CNKSR3: variants seen among roughly 807,000 people sequenced by gnomAD.
CNKSR3 encodes CNKSR family member 3.
CNKSR3 carries 36 observed loss-of-function variants against 67.7 expected under a neutral mutation model. The observed-to-expected ratio is 0.53, with a 90% CI of 0.41 to 0.70. CNKSR3 has a LOEUF of 0.70. CNKSR3 is among the 30% of genes least tolerant of loss of function. The probability of loss-of-function intolerance (pLI) is 0.00; values close to 1 mark genes in which losing one functional copy is unlikely to be tolerated. For synonymous variants in CNKSR3, 281 were observed against 271.4 expected (o/e 1.04, Z -0.35); for missense variants, 630 against 695.2 (o/e 0.91, Z 1.05).
At chr6:154,445,741 C>T (rs1353955383) in intron 2 of CNKSR3, among the ~76,000 whole-genome samples, 3 of 152,144 alleles carry the variant, frequency 2.0e-5, no homozygotes, top group Non-Finnish European at 4.4e-5. Flanking sequence ...TGGTTCTCTT[C>T]ATTTTCCACT....
chr6:154,480,099 A>G (rs914098829), intron 1 of CNKSR3, among the ~76,000 whole-genome samples: 1 of 152,238 alleles, frequency 6.6e-6, no homozygotes, highest in Non-Finnish European at 1.5e-5. Context: ...TATGGTGTAC[A>G]GTGTTGAGAA....
chr6:154,452,790 G>C (rs556196666), intron 1 of CNKSR3, among the ~76,000 whole-genome samples: 7 of 152,308 alleles, frequency 4.6e-5, no homozygotes, highest in African/African-American at 1.7e-4. Flanking sequence ...TAACGACACA[G>C]ACACACACAG....
chr6:154,432,137 G>T (rs190984394), intron 5 of CNKSR3, among the ~76,000 whole-genome samples: 1 of 152,170 alleles, frequency 6.6e-6, no homozygotes, highest in Non-Finnish European at 1.5e-5. Flanking sequence ...ATTAACGAGC[G>T]TTCCTGTTGC....
intron 2 of CNKSR3, among the ~76,000 whole-genome samples, chr6:154,444,796 G>A (rs1317900384): frequency 2.0e-5 from 3 of 151,858 alleles, no homozygotes; most frequent in South Asian, 2.1e-4. Flanking sequence ...TAGTAGAGAC[G>A]GGGTTTCACC....
At chr6:154,505,780 G>A (rs1357965023) in intron 1 of CNKSR3, among the ~76,000 whole-genome samples, 9 of 148,770 alleles carry the variant, frequency 6.0e-5, no homozygotes, top group South Asian at 4.2e-4. Context: ...GATTACAGGC[G>A]TGAGCCACCG....
intron 1 of CNKSR3, among the ~76,000 whole-genome samples, chr6:154,477,048 A>G (rs1786466708): frequency 6.6e-6 from 1 of 152,238 alleles, no homozygotes; most frequent in Non-Finnish European, 1.5e-5. Flanking sequence ...TTAACTTTGC[A>G]AATAGCCCAA....
intron 2 of CNKSR3, among the ~76,000 whole-genome samples, chr6:154,446,083 A>G (rs934259965): frequency 6.6e-6 from 1 of 152,228 alleles, no homozygotes; most frequent in Admixed American, 6.5e-5. Flanking sequence ...TAAAGCATCA[A>G]AAAGATACAA....
In CNKSR3 at chr6:154,489,361, T is replaced by C. The variant is rs1786737369; in HGVS notation, c.52+20702A>G. Among the ~76,000 whole-genome samples, 3 of 152,248 alleles carry C rather than the reference T, an allele frequency of 2.0e-5. No homozygotes were observed. In the South Asian group the frequency reaches 6.2e-4, roughly 32 times the overall value. On this transcript the variant is annotated intron_variant, in intron 1 of 12. Coordinates refer to ENST00000607772, the MANE Select transcript of CNKSR3 (RefSeq NM_173515.4). ...GTCTTGGTAACACGGTGAAACCACA[T>C]CTCGACTAAAAATACAAAAATTAGC...
intron 1 of CNKSR3, among the ~76,000 whole-genome samples, chr6:154,489,348 C>T (rs146721755): frequency 5.3e-5 from 8 of 152,196 alleles, no homozygotes; most frequent in South Asian, 2.1e-4. Context: ...CTTGGTAACA[C>T]GGTGAAACCA....
chr6:154,423,951 G>A (rs1785199903), intron 7 of CNKSR3, among the ~76,000 whole-genome samples: 1 of 152,072 alleles, frequency 6.6e-6, no homozygotes, highest in East Asian at 1.9e-4. Flanking sequence ...TAAAGGGATA[G>A]GCCGGGCGCG....
In CNKSR3 at chr6:154,410,992, C is replaced by A. The variant is rs1490413283; in HGVS notation, c.1221G>T (p.Gly407=). 2 of 1,613,938 alleles carry A rather than the reference C, an allele frequency of 1.2e-6. No homozygotes were observed. The highest frequency in any genetic ancestry group is 1.7e-6 in the Non-Finnish European group (2 of 1,179,994). ...GCAGAATGTTGGTTTCCACCGAGTA[C>A]CCAGGCAACTGATCCGAGTCTGCAA... The part of the protein sequence containing the change: ...FTIADSDQLP[G]YSVETNILPT... Residue 407 remains glycine (G), a synonymous_variant, in exon 11 of 13, where the codon GGG becomes GGT. Coordinates refer to ENST00000607772, the MANE Select transcript of CNKSR3 (RefSeq NM_173515.4).
chr6:154,441,231 A>G (rs1785573724), intron 4 of CNKSR3, 61 bp downstream of exon 4: 1 of 1,256,026 alleles, frequency 8.0e-7, no homozygotes, highest in Non-Finnish European at 1.1e-6. Flanking sequence ...TCCTTTCAAG[A>G]AGAGGAAAAG....
chr6:154,444,948 G>A (rs933268017), intron 2 of CNKSR3, among the ~76,000 whole-genome samples: 3 of 152,062 alleles, frequency 2.0e-5, no homozygotes, highest in Non-Finnish European at 4.4e-5. Flanking sequence ...GTGGGCCAGA[G>A]AGAGGCAAGT....
intron 1 of CNKSR3, among the ~76,000 whole-genome samples, chr6:154,501,798 C>A (rs1261299664): frequency 6.6e-6 from 1 of 152,066 alleles, no homozygotes; most frequent in African/African-American, 2.4e-5. Context: ...ACACATCTAC[C>A]ACACTAAAGC....
intron 1 of CNKSR3, among the ~76,000 whole-genome samples, chr6:154,468,215 G>A (rs1233241668): frequency 2.6e-5 from 4 of 151,294 alleles, no homozygotes; most frequent in African/African-American, 9.7e-5. Flanking sequence ...AAGCAGCCAG[G>A]ATTATAAGCA....
At chr6:154,453,414 G>C (rs1051203868) in intron 1 of CNKSR3, among the ~76,000 whole-genome samples, 2 of 152,172 alleles carry the variant, frequency 1.3e-5, no homozygotes, top group African/African-American at 4.8e-5. Flanking sequence ...GAAGAATACA[G>C]AGCATTTCTC....
At position 154,388,998 on chromosome 6, in the gene CNKSR3, C is replaced by T. The variant is rs1418738107; in HGVS notation, c.*17356G>A. On this transcript the variant is annotated 3_prime_UTR_variant, in exon 13 of 13. Transcript: ENST00000607772. ...TCCTTACATATTTTAGATGTCAACC[C>T]TTATCACATACATCGCTTGCAAATA... 1 of 151,962 alleles carries T rather than the reference C, an allele frequency of 6.6e-6. No homozygotes were observed. Among genetic ancestry groups the T allele is most frequent in the African/African-American group, 2.4e-5 (1 of 41,354 alleles). The allele number at this position is 151,962 out of a possible 1,614,324, so 9.4% of individuals were successfully genotyped here.
At chr6:154,412,489 C>A (rs774393671) in intron 10 of CNKSR3, among the ~76,000 whole-genome samples, 1 of 152,142 alleles carries the variant, frequency 6.6e-6, no homozygotes, top group Non-Finnish European at 1.5e-5. Flanking sequence ...AGGGAGGGTG[C>A]CTTCCTCCAG....
intron 9 of CNKSR3, among the ~76,000 whole-genome samples, chr6:154,418,185 C>A (rs908729515): frequency 1.3e-5 from 2 of 152,194 alleles, no homozygotes; most frequent in African/African-American, 4.8e-5. Context: ...CCACCAGAAC[C>A]CGGAGCTGTG....
Sources: gnomAD v4.1 joint callset for allele counts (sites outside exome capture counted in the v4.1 genomes callset) on GRCh38, gnomAD v4.1.1 for gene constraint, MANE v1.5 for transcripts, NCBI Gene and HGNC (gene_info 2026-07-23, HGNC 2026-07-21) for gene names.